ZNF14: variants seen among roughly 807,000 people sequenced by gnomAD.
The protein encoded by ZNF14 is gonadotropin inducible transcription repressor-4.
In ZNF14, 9 loss-of-function variants were observed where a neutral mutation model predicts 11.3. The ratio of observed to expected loss-of-function variants is 0.80; its 90% CI spans 0.48 to 1.39. ZNF14 has a LOEUF of 1.39. ZNF14 is among the 40% of genes most tolerant of loss of function. ZNF14 has a pLI of 0.00. For synonymous variants in ZNF14, 239 were observed against 245.7 expected, an observed-to-expected ratio of 0.97 and a Z score of 0.25; for missense variants, 711 against 763.9, an observed-to-expected ratio of 0.93 and a Z score of 0.82.
Position 19,712,056 on chromosome 19 carries a change from G to T in ZNF14, c.1225C>A (p.His409Asn). 6.2e-7 allele frequency: 1 copy of T among 1,613,826 alleles called. No individual in the cohort carries two copies. The stretch of plus-strand genomic sequence containing the variant: ...TTCTCTCCAGTGTGAGTTGTTTCGT[G>T]TTCTCGAAGGGAACTTGAAAAACTG... ...TFSFSSSLRE[H>N]ETTHTGEKPY... Residue 409 changes from histidine to asparagine, a missense_variant, in exon 4 of 4, where the codon CAC (histidine) becomes AAC (asparagine). Physicochemically the swap from His to Asn is moderately conservative, Grantham distance 68 (BLOSUM62 1). Transcript: ENST00000344099.
In ZNF14 at chr19:19,711,150, A is replaced by G; in HGVS notation, c.*202T>C. On this transcript the variant is annotated 3_prime_UTR_variant, in exon 4 of 4. Coordinates refer to ENST00000344099, the MANE Select transcript of ZNF14 (RefSeq NM_021030.3). ...ACGAGTCCTGTCTTTGAAATGAATT[A>G]GGTCAACTGAAGGCTTAATCACAAT... The G allele has an allele frequency of 2.0e-6, 1 of 505,742 alleles. No homozygotes were observed. The highest frequency in any genetic ancestry group is 3.3e-6 in the Non-Finnish European group (1 of 303,360). 31.3% of individuals were successfully genotyped at this position (505,742 alleles called of 1,614,324 possible).
intron 1 of ZNF14, among the ~76,000 whole-genome samples, chr19:19,728,741 C>T (rs1330766343): frequency 8.5e-6 from 1 of 117,964 alleles, no homozygotes; most frequent in East Asian, 2.3e-4. Context: ...AACTTTCAGA[C>T]CTCCACGGGA....
Position 19,724,114 on chromosome 19 carries a change from T to C in ZNF14, c.3+8842A>G, listed in dbSNP as rs1344943698. On this transcript the variant is annotated intron_variant, in intron 1 of 3. Coordinates refer to ENST00000344099, the MANE Select transcript of ZNF14 (RefSeq NM_021030.3). ...TGCTCTGATCTTAGTTATTTCTTGC[T>C]TTCTGCTAGCTTTTGAATGTGTTTG... is the stretch of plus-strand genomic sequence containing the variant. Among the ~76,000 whole-genome samples, 23 of 132,786 alleles carry C rather than the reference T, an allele frequency of 1.7e-4. 4 individuals are homozygous for C. Among genetic ancestry groups the C allele is most frequent in the African/African-American group, 6.1e-4 (22 of 36,072 alleles). The allele number at this position is 132,786 out of a possible 152,430, so 87.1% of individuals were successfully genotyped here.
chr19:19,713,763 T>TTTTTTTTTTTTTTA (rs1555761279), intron 3 of ZNF14, among the ~76,000 whole-genome samples: 2 of 148,932 alleles, frequency 1.3e-5, no homozygotes, highest in Admixed American at 6.8e-5. Flanking sequence ...TTTTTTTTTT[T>TTTTTTTTTTTTTTA]CCCCAGATGA....
intron 3 of ZNF14, among the ~76,000 whole-genome samples, chr19:19,713,396 C>T (rs943506930): frequency 3.3e-5 from 5 of 151,980 alleles, no homozygotes; most frequent in African/African-American, 1.2e-4. Flanking sequence ...AACCAATCCT[C>T]CCATCTCAGC....
chr19:19,733,049 T>G lies in ZNF14; in HGVS notation c.-91A>C, dbSNP rs1599474466. ...CGACAAAGGATGCGCTAGAGCCACC[T>G]TCGGCCTTCAGGAGCAGGTGAAACG... is the stretch of plus-strand genomic sequence containing the variant. On this transcript the variant is annotated 5_prime_UTR_variant, in exon 1 of 4. Transcript: ENST00000344099. 6 of 1,537,792 alleles carry G rather than the reference T, an allele frequency of 3.9e-6. No individual in the cohort carries two copies. The East Asian group carries it at 9.5e-5, about 24-fold the overall frequency.
intron 1 of ZNF14, among the ~76,000 whole-genome samples, chr19:19,722,616 A>C (rs976952984): frequency 7.2e-5 from 11 of 152,170 alleles, no homozygotes; most frequent in African/African-American, 2.4e-4. Flanking sequence ...GAAGAAAGTC[A>C]TTGGTAGCTT....
intron 1 of ZNF14, among the ~76,000 whole-genome samples, chr19:19,730,463 G>C (rs564580723): frequency 6.6e-6 from 1 of 152,260 alleles, no homozygotes; most frequent in South Asian, 2.1e-4. Flanking sequence ...TGACCTCACA[G>C]AATATCAAAA....
chr19:19,715,363 G>A (rs987123434), intron 1 of ZNF14, among the ~76,000 whole-genome samples: 5 of 152,206 alleles, frequency 3.3e-5, no homozygotes, highest in African/African-American at 4.8e-5. Context: ...CACTACTGCA[G>A]TGGAGTAATT....
In ZNF14 at chr19:19,711,365, C is replaced by T; in HGVS notation, c.1916G>A (p.Gly639Glu). 1 of 1,555,662 alleles carries T rather than the reference C, an allele frequency of 6.4e-7. No individual in the cohort carries two copies. Among genetic ancestry groups the T allele is most frequent in the East Asian group, 2.2e-5 (1 of 44,566 alleles). Residue 639 changes from glycine (G) to glutamate (E), a missense_variant, in exon 4 of 4, where the codon GGA becomes GAA. Coordinates refer to ENST00000344099, the MANE Select transcript of ZNF14 (RefSeq NM_021030.3). ...TTGCTTATATTCTTAGACTTTCTCT[C>T]CCATATGAGTCCTTTCATGCAGTCG... The part of the protein sequence containing the change: ...HFRLHERTHM[G>E]EKV
At chr19:19,727,477 A>AACT (rs1224835474) in intron 1 of ZNF14, among the ~76,000 whole-genome samples, 3 of 131,574 alleles carry the variant, frequency 2.3e-5, no homozygotes, top group East Asian at 2.1e-4. Context: ...CAGATACAAC[A>AACT]ACTACTACTA....
chr19:19,730,843 C>T (rs937132817), intron 1 of ZNF14, among the ~76,000 whole-genome samples: 3 of 152,104 alleles, frequency 2.0e-5, no homozygotes, highest in African/African-American at 4.8e-5. Context: ...ACCTGGAAGG[C>T]GGAGGTTGCG....
chr19:19,716,699 G>A (rs769125542), intron 1 of ZNF14, among the ~76,000 whole-genome samples: 22 of 152,194 alleles, frequency 1.4e-4, no homozygotes, highest in African/African-American at 1.9e-4. Context: ...AATCCCAGCC[G>A]TGCAAGTAAA....
intron 1 of ZNF14, among the ~76,000 whole-genome samples, chr19:19,730,772 C>T (rs1269394436): frequency 3.3e-5 from 5 of 152,026 alleles, no homozygotes; most frequent in East Asian, 3.9e-4. Flanking sequence ...ATTAGCTGGG[C>T]GTGGTGGCGC....
At position 19,732,948 on chromosome 19, in the gene ZNF14, A is replaced by C; in HGVS notation, c.3+8T>G. 2 of 1,613,630 alleles carry C rather than the reference A, an allele frequency of 1.2e-6. No homozygotes were observed. Among genetic ancestry groups the C allele is most frequent in the Non-Finnish European group, 1.7e-6 (2 of 1,179,710 alleles). On this transcript the variant is annotated splice_region_variant and intron_variant, in intron 1 of 3. Transcript: ENST00000344099. ...ACCTCCCCTCGGACACTGGCCCCGC[A>C]CACTCACCATTTCCCAGCGTCCGGG...
chr19:19,731,633 C>T (rs998333602), intron 1 of ZNF14, among the ~76,000 whole-genome samples: 19 of 152,042 alleles, frequency 1.2e-4, no homozygotes, highest in African/African-American at 4.6e-4. Context: ...ACTTAGGAAC[C>T]TTCCACTGGT....
At chr19:19,730,244 C>A (rs1325508303) in intron 1 of ZNF14, among the ~76,000 whole-genome samples, 1 of 151,938 alleles carries the variant, frequency 6.6e-6, no homozygotes. Context: ...TCAGGGTGGT[C>A]TTGAACTCCT....
Position 19,712,721 on chromosome 19 carries a change from T to A in ZNF14, c.560A>T (p.His187Leu). The A allele has an allele frequency of 6.2e-7, 1 of 1,613,368 alleles. No homozygotes were observed. The highest frequency in any genetic ancestry group is 1.1e-5 in the South Asian group (1 of 90,904). Residue 187 changes from histidine (H) to leucine (L), a missense_variant, in exon 4 of 4, where the codon CAT becomes CTT. Physicochemically the swap from His to Leu is moderately conservative, Grantham distance 99. Transcript: ENST00000344099. ...AFIYYQPFQR[H>L]ERTHAGQKPY... ...TTTCTGTCCAGCATGAGTCCTTTCA[T>A]GTCTTTGAAATGGCTGGTAATATAT...
At chr19:19,732,291 C>A (rs1186331629) in intron 1 of ZNF14, among the ~76,000 whole-genome samples, 2 of 152,094 alleles carry the variant, frequency 1.3e-5, no homozygotes, top group Non-Finnish European at 2.9e-5. Context: ...ACAAAATTAC[C>A]CAGAGCGAAG....
Sources: allele counts gnomAD v4.1 joint callset (sites outside exome capture counted in the v4.1 genomes callset), GRCh38; gene constraint gnomAD v4.1.1; transcripts MANE v1.5; gene names NCBI Gene and HGNC (gene_info 2026-07-23, HGNC 2026-07-21).